DDR2: variants seen among roughly 807,000 people sequenced by gnomAD.
DDR2 encodes discoidin domain receptor tyrosine kinase 2.
Under a neutral mutation model 94.9 loss-of-function variants are expected in DDR2, and 27 were observed. The ratio of observed to expected loss-of-function variants is 0.28; its 90% CI spans 0.21 to 0.39. The LOEUF (loss-of-function observed/expected upper bound fraction) is 0.39. Among genes scored for constraint, DDR2 ranks in the 10% least tolerant of loss-of-function variants. The probability of loss-of-function intolerance (pLI) is 1.00; values close to 1 mark genes in which losing one functional copy is unlikely to be tolerated. For missense variants in DDR2, 783 were observed against 1,076.0 expected (o/e 0.73, Z 3.81); for synonymous variants, 382 against 377.2 (o/e 1.01, Z -0.15).
chr1:162,650,708 T>C (rs1657645657), intron 1 of DDR2, among the ~76,000 whole-genome samples: 1 of 152,094 alleles, frequency 6.6e-6, no homozygotes, highest in African/African-American at 2.4e-5. Flanking sequence ...CATTGGTCAA[T>C]TCTCAATCCT....
At chr1:162,655,455 C>T (rs1170469414) in intron 2 of DDR2, 81 bp downstream of exon 2, 1 of 152,188 alleles carries the variant, frequency 6.6e-6, no homozygotes, top group African/African-American at 2.4e-5. Flanking sequence ...CCCCACTTAT[C>T]CTGCCTGGTG....
At chr1:162,638,047 G>T (rs1228771000) in intron 1 of DDR2, among the ~76,000 whole-genome samples, 1 of 152,016 alleles carries the variant, frequency 6.6e-6, no homozygotes, top group African/African-American at 2.4e-5. Flanking sequence ...TTGAGACGGA[G>T]TCTCACTCTG....
At chr1:162,636,682 G>A (rs1656841235) in intron 1 of DDR2, among the ~76,000 whole-genome samples, 2 of 152,134 alleles carry the variant, frequency 1.3e-5, no homozygotes, top group South Asian at 4.1e-4. Context: ...TTCCCCTTGA[G>A]TTTTTATCCC....
chr1:162,715,423 C>T (rs1448839344), intron 2 of DDR2, among the ~76,000 whole-genome samples: 1 of 151,884 alleles, frequency 6.6e-6, no homozygotes, highest in East Asian at 1.9e-4. Flanking sequence ...TTGAACTAGG[C>T]AAAGAGAGGA....
intron 7 of DDR2, among the ~76,000 whole-genome samples, chr1:162,757,557 A>G (rs1663520487): frequency 6.6e-6 from 1 of 152,210 alleles, no homozygotes; most frequent in Non-Finnish European, 1.5e-5. Context: ...GTCAAAGCCA[A>G]AAGGAGCAAG....
chr1:162,747,756 T>A lies in DDR2; in HGVS notation c.83-5339T>A, dbSNP rs570856831. On this transcript the variant is annotated intron_variant, in intron 3 of 17. Transcript: ENST00000367921. ...CGTTAAGGGTAGCCAGAGAGAAAGG[T>A]CAGGTTACCCACAAAGGGAAGCCCA... 3.3e-4 allele frequency among the ~76,000 whole-genome samples: 50 copies of A among 152,230 alleles called. 1 individual carries two copies. The highest frequency in any genetic ancestry group is 1.2e-3 in the African/African-American group (48 of 41,516).
intron 2 of DDR2, among the ~76,000 whole-genome samples, chr1:162,710,700 T>C (rs10799868): frequency 0.78 from 118,608 of 151,898 alleles, 48,044 homozygotes; most frequent in Non-Finnish European, 0.9. Flanking sequence ...ATCATGGGGG[T>C]GTTCTTCTCC....
At chr1:162,712,505 T>C (rs993968652) in intron 2 of DDR2, among the ~76,000 whole-genome samples, 2 of 152,108 alleles carry the variant, frequency 1.3e-5, no homozygotes, top group African/African-American at 4.8e-5. Context: ...CTGCCTGATC[T>C]TCCATTTTAC....
chr1:162,730,247 A>G (rs72711581), intron 3 of DDR2, among the ~76,000 whole-genome samples: 8,991 of 152,116 alleles, frequency 0.059, 322 homozygotes, highest in Admixed American at 0.083. Context: ...GTGCAGCACC[A>G]GGTCCAGCCT....
intron 2 of DDR2, among the ~76,000 whole-genome samples, chr1:162,690,806 G>T (rs1003873167): frequency 6.6e-6 from 1 of 152,132 alleles, no homozygotes; most frequent in Non-Finnish European, 1.5e-5. Context: ...ATTCTCCTGC[G>T]CTGGCCCTCT....
At chr1:162,689,812 T>C (rs1659876440) in intron 2 of DDR2, among the ~76,000 whole-genome samples, 1 of 104,420 alleles carries the variant, frequency 9.6e-6, no homozygotes, top group African/African-American at 3.6e-5. Flanking sequence ...GAGACCAGCC[T>C]GGCCAACATG....
chr1:162,729,971 G>A (rs958211126), intron 3 of DDR2, among the ~76,000 whole-genome samples: 5 of 145,386 alleles, frequency 3.4e-5, no homozygotes, highest in East Asian at 2.1e-4. Context: ...TCGAACTCCC[G>A]ACCTCAGGTG....
At chr1:162,752,923 A>C (rs1265533594) in intron 3 of DDR2, among the ~76,000 whole-genome samples, 172 bp from the exon 4 acceptor site, 1 of 152,198 alleles carries the variant, frequency 6.6e-6, no homozygotes, top group East Asian at 1.9e-4. Flanking sequence ...AGTCAGGGCC[A>C]GGAAGACAAG....
intron 3 of DDR2, among the ~76,000 whole-genome samples, chr1:162,730,057 G>GTA (rs1661952865): frequency 3.0e-5 from 2 of 66,656 alleles, no homozygotes; most frequent in Admixed American, 1.6e-4. Flanking sequence ...TTTTTTTTTT[G>GTA]CAAAAAAAAA....
chr1:162,700,124 G>A (rs1193540000), intron 2 of DDR2, among the ~76,000 whole-genome samples: 1 of 152,208 alleles, frequency 6.6e-6, no homozygotes, highest in African/African-American at 2.4e-5. Flanking sequence ...TGGATGTCTA[G>A]CACATTTACA....
chr1:162,729,294 ATATATATTT>A (rs1484503720), intron 3 of DDR2, among the ~76,000 whole-genome samples: 648 of 30,000 alleles, frequency 0.022, 5 homozygotes, highest in Middle Eastern at 0.2. Context: ...ATATATATAT[ATATATATTT>A]TTTTTTTTTT....
chr1:162,757,247 A>T (rs929675507), intron 7 of DDR2, among the ~76,000 whole-genome samples: 1 of 152,240 alleles, frequency 6.6e-6, no homozygotes, highest in East Asian at 1.9e-4. Flanking sequence ...CTATGCACAT[A>T]TAAGTTGTTA....
In DDR2 at chr1:162,749,220, G is replaced by A. The variant is rs543759720; in HGVS notation, c.83-3875G>A. On this transcript the variant is annotated intron_variant, in intron 3 of 17. Coordinates refer to ENST00000367921, the MANE Select transcript of DDR2 (RefSeq NM_006182.4). ...CAAAAAATCAATGAATCCAGGAGCT[G>A]GTTTTTTGAAAAGATCAACAAAATT... 4.8e-3 allele frequency among the ~76,000 whole-genome samples: 732 copies of A among 152,178 alleles called. 2 individuals carry two copies. Among genetic ancestry groups the A allele is most frequent in the African/African-American group, 0.017 (695 of 41,510 alleles).
intron 3 of DDR2, among the ~76,000 whole-genome samples, chr1:162,720,087 G>T (rs1661350986): frequency 6.6e-6 from 1 of 152,074 alleles, no homozygotes; most frequent in African/African-American, 2.4e-5. Flanking sequence ...AGTCAGAGTG[G>T]GAGAGCACAA....
Sources: allele counts gnomAD v4.1 joint callset (sites outside exome capture counted in the v4.1 genomes callset), GRCh38; gene constraint gnomAD v4.1.1; transcripts MANE v1.5; gene names NCBI Gene and HGNC (gene_info 2026-07-23, HGNC 2026-07-21).